TRAPPC9: variants seen among roughly 807,000 people sequenced by gnomAD.
TRAPPC9 encodes the protein trafficking protein particle complex subunit 9.
In TRAPPC9, 83 loss-of-function variants were observed where a neutral mutation model predicts 124.0. The observed-to-expected ratio is 0.67, with a 90% CI of 0.56 to 0.80. The LOEUF is 0.80. TRAPPC9 is among the 30% of genes least tolerant of loss of function. The pLI, the probability that TRAPPC9 is intolerant of heterozygous loss-of-function variation, is 0.00. For synonymous variants in TRAPPC9, 638 were observed against 617.5 expected (o/e 1.03, Z -0.49); for missense variants, 1,302 against 1,508.3 (o/e 0.86, Z 2.27).
At chr8:140,391,503 G>C (rs999436705) in intron 7 of TRAPPC9, among the ~76,000 whole-genome samples, 2 of 140,652 alleles carry the variant, frequency 1.4e-5, no homozygotes, top group South Asian at 4.6e-4. Context: ...ACCTAAGGTC[G>C]GGAGTTCGAG....
chr8:140,329,708 T>TTTGGGAATCTATG (rs2066845838), intron 9 of TRAPPC9, among the ~76,000 whole-genome samples: 1 of 151,544 alleles, frequency 6.6e-6, no homozygotes, highest in Non-Finnish European at 1.5e-5. Flanking sequence ...ATTTTTGTGC[T>TTTGGGAATCTATG]CATTTCGGAA....
At chr8:139,755,086 G>C (rs980894256) in intron 21 of TRAPPC9, among the ~76,000 whole-genome samples, 2 of 152,242 alleles carry the variant, frequency 1.3e-5, no homozygotes, top group Non-Finnish European at 2.9e-5. Context: ...GGTCACCTGA[G>C]AGGTCGTTGT....
chr8:140,100,962 C>T (rs2060567796), intron 17 of TRAPPC9, among the ~76,000 whole-genome samples: 1 of 152,174 alleles, frequency 6.6e-6, no homozygotes, highest in African/African-American at 2.4e-5. Context: ...CAGAGCGCTC[C>T]CTGGAGGACT....
In TRAPPC9 at chr8:139,834,541, C is replaced by T. The variant is rs536281884; in HGVS notation, c.3055+51338G>A. Among the ~76,000 whole-genome samples, 135 of 152,348 alleles carry T rather than the reference C, an allele frequency of 8.9e-4. 1 individual carries two copies. Among genetic ancestry groups the T allele is most frequent in the African/African-American group, 3.1e-3 (129 of 41,576 alleles). On this transcript the variant is annotated intron_variant, in intron 21 of 22. Coordinates refer to ENST00000438773, the MANE Select transcript of TRAPPC9 (RefSeq NM_001160372.4). ...CAGGCAGGCGGAACGTGGCGTCTGG[C>T]GAATGGCAGGGAAGCCGCCCTCCAT...
intron 21 of TRAPPC9, among the ~76,000 whole-genome samples, chr8:139,785,512 A>G (rs1375235866): frequency 1.3e-5 from 2 of 151,606 alleles, no homozygotes; most frequent in East Asian, 3.9e-4. Flanking sequence ...AGCCTGGCCA[A>G]CATGGTGAAA....
chr8:140,036,643 C>G (rs1161938640), intron 17 of TRAPPC9, among the ~76,000 whole-genome samples: 1 of 152,092 alleles, frequency 6.6e-6, no homozygotes, highest in South Asian at 2.1e-4. Flanking sequence ...GTGTGACACA[C>G]GAGTCCTGAG....
chr8:140,095,969 GCT>G, intron 17 of TRAPPC9: 1 of 152,340 alleles, frequency 6.6e-6, no homozygotes, highest in East Asian at 1.9e-4. Context: ...TTTTGGGTCT[GCT>G]TTCCCTCACC....
intron 17 of TRAPPC9, chr8:140,095,114 C>T (rs1844846406): frequency 6.6e-6 from 1 of 152,246 alleles, no homozygotes; most frequent in African/African-American, 2.4e-5. Context: ...CTGCCGTGGC[C>T]ACACCTGTCA....
intron 21 of TRAPPC9, among the ~76,000 whole-genome samples, chr8:139,833,046 C>T (rs1321927773): frequency 6.6e-6 from 1 of 152,130 alleles, no homozygotes; most frequent in African/African-American, 2.4e-5. Flanking sequence ...GGCCACGTGT[C>T]CAGGAATGGG....
Position 140,079,651 on chromosome 8 carries a change from C to G in TRAPPC9, c.2557-55572G>C, listed in dbSNP as rs1370429266. ...TTGTGCATAATAATAAAAAGGCAGG[C>G]CAGGCATGGTGGCTCATGCCTGCAA... is the stretch of plus-strand genomic sequence containing the variant. On this transcript the variant is annotated intron_variant, in intron 17 of 22. Transcript: ENST00000438773. Among the ~76,000 whole-genome samples the G allele has an allele frequency of 2.6e-5, 4 of 152,156 alleles. No individual in the cohort carries two copies. The East Asian group carries it at 7.7e-4, about 29-fold the overall frequency.
chr8:140,137,608 C>G (rs945111511), intron 17 of TRAPPC9, among the ~76,000 whole-genome samples: 3 of 152,244 alleles, frequency 2.0e-5, no homozygotes, highest in Admixed American at 6.5e-5. Context: ...ACCAGCCCCA[C>G]CCCGCACCTG....
intron 9 of TRAPPC9, among the ~76,000 whole-genome samples, chr8:140,326,994 G>C (rs547856976): frequency 3.3e-4 from 50 of 152,232 alleles, no homozygotes; most frequent in Non-Finnish European, 6.3e-4. Context: ...GCTCATGCCT[G>C]TAATCCCAGC....
At chr8:139,805,535 G>T (rs972844111) in intron 21 of TRAPPC9, among the ~76,000 whole-genome samples, 12 of 152,194 alleles carry the variant, frequency 7.9e-5, no homozygotes, top group Admixed American at 7.9e-4. Flanking sequence ...ATCCAGTGTG[G>T]GCTTGGCACT....
chr8:139,903,484 G>A (rs1205750925), intron 20 of TRAPPC9, among the ~76,000 whole-genome samples: 1 of 152,114 alleles, frequency 6.6e-6, no homozygotes, highest in Non-Finnish European at 1.5e-5. Context: ...TCCCTGAAAT[G>A]CTCTCCAAAG....
At chr8:140,334,390 C>T (rs552480768) in intron 9 of TRAPPC9, among the ~76,000 whole-genome samples, 25 of 152,262 alleles carry the variant, frequency 1.6e-4, no homozygotes, top group African/African-American at 5.5e-4. Context: ...TGGCTCACGC[C>T]TATAATCCCA....
chr8:140,442,366 G>A (rs1233164526), intron 2 of TRAPPC9, among the ~76,000 whole-genome samples: 10 of 152,006 alleles, frequency 6.6e-5, no homozygotes, highest in Non-Finnish European at 1.3e-4. Context: ...TTGGGAGGCC[G>A]AGGCGGGTGG....
At chr8:140,041,992 C>T (rs1394987125) in intron 17 of TRAPPC9, among the ~76,000 whole-genome samples, 2 of 152,104 alleles carry the variant, frequency 1.3e-5, no homozygotes, top group Non-Finnish European at 2.9e-5. Context: ...TCTATTATAG[C>T]TTCTTATCAA....
At position 140,333,553 on chromosome 8, in the gene TRAPPC9, G is replaced by A. The variant is rs376911157; in HGVS notation, c.1496-22179C>T. On this transcript the variant is annotated intron_variant, in intron 9 of 22. Coordinates refer to ENST00000438773, the MANE Select transcript of TRAPPC9 (RefSeq NM_001160372.4). ...TTACAGGCACCCACCACCATGCCCA[G>A]CTAATTTTTATACTTTTAGTAAAGA... Among the ~76,000 whole-genome samples, 14 of 152,204 alleles carry A rather than the reference G, an allele frequency of 9.2e-5. No individual in the cohort carries two copies. The South Asian group carries it at 1.5e-3, about 16-fold the overall frequency.
chr8:139,950,345 C>G (rs1436949732), intron 19 of TRAPPC9, among the ~76,000 whole-genome samples: 2 of 152,242 alleles, frequency 1.3e-5, no homozygotes, highest in Non-Finnish European at 2.9e-5. Flanking sequence ...GGAAGGTGAA[C>G]CTGTCAGCAG....
Sources: allele counts gnomAD v4.1 joint callset (sites outside exome capture counted in the v4.1 genomes callset), GRCh38; gene constraint gnomAD v4.1.1; transcripts MANE v1.5; gene names NCBI Gene and HGNC (gene_info 2026-07-23, HGNC 2026-07-21).